MKLN1: variants seen among roughly 807,000 people sequenced by gnomAD.
The protein encoded by MKLN1 is muskelin.
In MKLN1, 18 loss-of-function variants were observed where a neutral mutation model predicts 99.0. The observed-to-expected ratio is 0.18, with a 90% CI of 0.13 to 0.27. MKLN1 has a LOEUF of 0.27. MKLN1 is among the 10% of genes least tolerant of loss of function. The pLI is 1.00. For synonymous variants in MKLN1, 288 were observed against 293.2 expected (o/e 0.98, Z 0.18); for missense variants, 621 against 875.9 (o/e 0.71, Z 3.67).
chr7:131,327,888 G>A lies in MKLN1; in HGVS notation c.-12G>A, dbSNP rs371026594. Reference sequence around the variant, plus strand: ...GCCAGCGGTCGGTGGCGGCCGCTACGGTGCTGACAAGATGGCGGCTGGCGG... The same window carrying A: ...GCCAGCGGTCGGTGGCGGCCGCTACAGTGCTGACAAGATGGCGGCTGGCGG... On this transcript the variant is annotated 5_prime_UTR_variant, in exon 1 of 18. Coordinates refer to ENST00000352689, the MANE Select transcript of MKLN1 (RefSeq NM_013255.5). 8.7e-6 allele frequency: 14 copies of A among 1,610,664 alleles called. No homozygotes were observed. In the African/African-American group the frequency reaches 1.6e-4, roughly 18 times the overall value.
chr7:131,463,396 A>G (rs1442554566), intron 13 of MKLN1, 32 bp downstream of exon 13: 5 of 1,586,638 alleles, frequency 3.2e-6, no homozygotes, highest in East Asian at 2.2e-5. Context: ...TGCAATCCCA[A>G]TGTAATAATT....
chr7:131,381,250 C>T (rs1454423706), intron 2 of MKLN1, among the ~76,000 whole-genome samples: 2 of 152,158 alleles, frequency 1.3e-5, no homozygotes, highest in East Asian at 3.8e-4. Context: ...ACATTTGTAA[C>T]TGCCTGTACA....
chr7:131,475,371 CA>C (rs994883434), intron 16 of MKLN1, among the ~76,000 whole-genome samples: 3 of 151,292 alleles, frequency 2.0e-5, no homozygotes, highest in East Asian at 1.9e-4. Context: ...AATTTTCTAA[CA>C]AAAAAAACTC....
chr7:131,444,861 C>G (rs538598194), intron 11 of MKLN1, among the ~76,000 whole-genome samples: 4 of 151,042 alleles, frequency 2.6e-5, no homozygotes, highest in Middle Eastern at 3.5e-3. Context: ...CAGGGCCTTG[C>G]TGTGTTGCCC....
At chr7:131,471,153 G>A in intron 16 of MKLN1, 1 of 453,300 alleles carries the variant, frequency 2.2e-6, no homozygotes, top group Non-Finnish European at 3.9e-6. Flanking sequence ...AAAACCCTTG[G>A]TCCATTCAGA....
chr7:131,117,875 T>G (rs1795302804), intron 1 of MKLN1, among the ~76,000 whole-genome samples: 1 of 152,214 alleles, frequency 6.6e-6, no homozygotes, highest in Admixed American at 6.5e-5. Flanking sequence ...ATTGTCATAG[T>G]TGACTTCTCT....
chr7:131,286,782 A>G (rs1798138436), intron 3 of MKLN1, among the ~76,000 whole-genome samples: 1 of 152,238 alleles, frequency 6.6e-6, no homozygotes, highest in Non-Finnish European at 1.5e-5. Flanking sequence ...TCAGGAGCAT[A>G]TAGTTTGAGG....
intron 2 of MKLN1, among the ~76,000 whole-genome samples, chr7:131,145,114 T>G (rs532300097): frequency 2.1e-3 from 327 of 152,300 alleles, no homozygotes; most frequent in Non-Finnish European, 3.7e-3. Context: ...ATAACATTGA[T>G]GGCCTGCCGA....
chr7:131,217,171 A>G (rs1371120158), intron 3 of MKLN1, among the ~76,000 whole-genome samples: 2 of 152,240 alleles, frequency 1.3e-5, no homozygotes, highest in African/African-American at 4.8e-5. Context: ...TCAAAATAGC[A>G]TTCATTAAAA....
At chr7:131,469,415 C>G (rs1327107383) in intron 15 of MKLN1, among the ~76,000 whole-genome samples, 1 of 152,126 alleles carries the variant, frequency 6.6e-6, no homozygotes. Flanking sequence ...TTCTGCCAAA[C>G]TACTTTATAA....
At chr7:131,158,198 G>A (rs1337780402) in intron 2 of MKLN1, among the ~76,000 whole-genome samples, 1 of 152,158 alleles carries the variant, frequency 6.6e-6, no homozygotes, top group Non-Finnish European at 1.5e-5. Context: ...CCAGCACTTG[G>A]GGAGGCTGAG....
At chr7:131,397,567 T>C (rs1200630425) in intron 5 of MKLN1, among the ~76,000 whole-genome samples, 191 bp downstream of exon 5, 2 of 152,172 alleles carry the variant, frequency 1.3e-5, no homozygotes, top group Non-Finnish European at 2.9e-5. Context: ...TATCACTCTA[T>C]GAGACAGGTG....
intron 1 of MKLN1, among the ~76,000 whole-genome samples, chr7:131,127,864 C>A (rs1455274775): frequency 2.0e-5 from 3 of 152,142 alleles, no homozygotes; most frequent in Non-Finnish European, 4.4e-5. Context: ...CAGGAAAAGA[C>A]ATTGTGAACT....
chr7:131,303,161 G>A (rs1798400421), intron 3 of MKLN1, among the ~76,000 whole-genome samples: 1 of 152,210 alleles, frequency 6.6e-6, no homozygotes, highest in Non-Finnish European at 1.5e-5. Context: ...CAATGCCCCA[G>A]CTCCAACTAA....
rs1797385866 is a variant in MKLN1, at chr7:131,490,016, G to C, written c.*2288G>C. 1.3e-5 allele frequency: 2 copies of C among 152,520 alleles called. No homozygotes were observed. The highest frequency in any genetic ancestry group is 6.6e-5 in the Admixed American group (1 of 15,240). 9.4% of individuals were successfully genotyped at this position (152,520 alleles called of 1,614,324 possible). On this transcript the variant is annotated 3_prime_UTR_variant, in exon 18 of 18. Transcript: ENST00000352689. Reference sequence around the variant, plus strand: ...ACTCTGTACTGTGGGGCTTTAATCGGAGCACTGCTGGAAATGATTGCAGAG... The same window carrying C: ...ACTCTGTACTGTGGGGCTTTAATCGCAGCACTGCTGGAAATGATTGCAGAG...
intron 1 of MKLN1, among the ~76,000 whole-genome samples, chr7:131,348,756 T>C (rs1234826088): frequency 6.6e-6 from 1 of 152,172 alleles, no homozygotes; most frequent in Non-Finnish European, 1.5e-5. Flanking sequence ...TTTAAATTAT[T>C]GTATTATACT....
At chr7:131,338,841 A>T (rs184761364) in intron 1 of MKLN1, among the ~76,000 whole-genome samples, 1 of 152,234 alleles carries the variant, frequency 6.6e-6, no homozygotes, top group Non-Finnish European at 1.5e-5. Context: ...GAATTTGCAG[A>T]TCTACTTACA....
intron 1 of MKLN1, among the ~76,000 whole-genome samples, chr7:131,134,445 G>A (rs529190640): frequency 6.6e-6 from 1 of 152,060 alleles, no homozygotes; most frequent in Non-Finnish European, 1.5e-5. Context: ...GATGGGCCCG[G>A]ACTCCTGAAC....
chr7:131,437,291 G>C (rs933369826), intron 9 of MKLN1, among the ~76,000 whole-genome samples: 5 of 152,002 alleles, frequency 3.3e-5, no homozygotes, highest in Non-Finnish European at 7.4e-5. Context: ...GATTAAACTA[G>C]AGATTTTATT....
Sources: gnomAD v4.1 joint callset for allele counts (sites outside exome capture counted in the v4.1 genomes callset) on GRCh38, gnomAD v4.1.1 for gene constraint, MANE v1.5 for transcripts, NCBI Gene and HGNC (gene_info 2026-07-23, HGNC 2026-07-21) for gene names.